SLC38A1: variants seen among roughly 807,000 people sequenced by gnomAD.
SLC38A1 encodes sodium-coupled neutral amino acid symporter 1.
In SLC38A1, 18 loss-of-function variants were observed where a neutral mutation model predicts 60.3. That is an observed-to-expected ratio of 0.30 (90% CI 0.21 to 0.44). SLC38A1 has a LOEUF of 0.44. Among genes scored for constraint, SLC38A1 ranks in the 20% least tolerant of loss-of-function variants. SLC38A1 has a pLI of 1.00. For synonymous variants in SLC38A1, 196 were observed against 212.1 expected, an observed-to-expected ratio of 0.92 and a Z score of 0.66; for missense variants, 448 against 587.2, an observed-to-expected ratio of 0.76 and a Z score of 2.45.
chr12:46,229,339 A>G (rs1427953302), intron 4 of SLC38A1, 71 bp from the exon 5 acceptor site: 1 of 1,064,738 alleles, frequency 9.4e-7, no homozygotes, highest in African/African-American at 1.6e-5. Context: ...CAAAGCCTTT[A>G]ATGCACTCTC....
intron 1 of SLC38A1, among the ~76,000 whole-genome samples, chr12:46,262,694 C>G (rs1942236081): frequency 6.6e-6 from 1 of 151,902 alleles, no homozygotes; most frequent in African/African-American, 2.4e-5. Flanking sequence ...ACAAAATACT[C>G]AAGGAAAAAC....
At chr12:46,241,737 C>T (rs558820335) in intron 2 of SLC38A1, among the ~76,000 whole-genome samples, 1 of 152,330 alleles carries the variant, frequency 6.6e-6, no homozygotes. Context: ...CACTCTTACC[C>T]CTTGGCCCTC....
At chr12:46,191,593 TC>T (rs1939147679) in intron 16 of SLC38A1, among the ~76,000 whole-genome samples, 1 of 152,208 alleles carries the variant, frequency 6.6e-6, no homozygotes, top group Admixed American at 6.5e-5. Flanking sequence ...TTTGTTTCTG[TC>T]CTCTTTTATT....
intron 16 of SLC38A1, among the ~76,000 whole-genome samples, chr12:46,193,726 C>A (rs1055182974): frequency 6.6e-6 from 1 of 151,464 alleles, no homozygotes; most frequent in African/African-American, 2.4e-5. Flanking sequence ...GGTTTAAAGT[C>A]TGGTTTATCA....
intron 16 of SLC38A1, among the ~76,000 whole-genome samples, chr12:46,190,996 A>C (rs1233243492): frequency 6.6e-6 from 1 of 152,148 alleles, no homozygotes; most frequent in Non-Finnish European, 1.5e-5. Context: ...TTTAATCATG[A>C]AGTCTTTGCC....
At chr12:46,246,128 T>C (rs1941606580) in intron 1 of SLC38A1, among the ~76,000 whole-genome samples, 1 of 152,064 alleles carries the variant, frequency 6.6e-6, no homozygotes, top group African/African-American at 2.4e-5. Context: ...CCAACTGAGG[T>C]ACCTGGTTCA....
Position 46,207,217 on chromosome 12 carries a change from G to A in SLC38A1, c.501C>T (p.Phe167=). Residue 167 remains phenylalanine, a synonymous_variant, in exon 8 of 17, where the codon TTC becomes TTT. Transcript: ENST00000398637. ...CAGAGGGTAGTTCATTTTTTACGAT[G>A]AAGAGGTAGCTCAGCATTGCTGAAG... The part of the protein sequence containing the change: ...QNTGAMLSYL[F]IVKNELPSAI... 6.2e-7 allele frequency: 1 copy of A among 1,613,030 alleles called. No homozygotes were observed. The highest frequency in any genetic ancestry group is 1.1e-5 in the South Asian group (1 of 90,874).
At chr12:46,210,095 G>A (rs1368845515) in intron 5 of SLC38A1, among the ~76,000 whole-genome samples, 2 of 152,150 alleles carry the variant, frequency 1.3e-5, no homozygotes, top group Non-Finnish European at 2.9e-5. Context: ...GGCACATCAT[G>A]CCGTTCGCTC....
intron 2 of SLC38A1, 120 bp from the exon 3 acceptor site, chr12:46,240,013 A>G (rs530952622): frequency 3.9e-6 from 2 of 511,096 alleles, no homozygotes; most frequent in Non-Finnish European, 7.0e-6. Context: ...TGTTGCTACT[A>G]GATGCATTAA....
chr12:46,233,448 C>A (rs1941149529), intron 3 of SLC38A1, among the ~76,000 whole-genome samples: 1 of 152,034 alleles, frequency 6.6e-6, no homozygotes, highest in South Asian at 2.1e-4. Context: ...AATAGAAAAG[C>A]AAATATTTTC....
intron 1 of SLC38A1, among the ~76,000 whole-genome samples, chr12:46,265,423 C>T (rs955496261): frequency 6.6e-6 from 1 of 152,218 alleles, no homozygotes; most frequent in Admixed American, 6.5e-5. Context: ...GGAAAAGTGG[C>T]ATCAGGGATA....
intron 3 of SLC38A1, among the ~76,000 whole-genome samples, chr12:46,238,591 C>T (rs1941337319): frequency 6.6e-6 from 1 of 152,298 alleles, no homozygotes; most frequent in Non-Finnish European, 1.5e-5. Flanking sequence ...GGCTGTGCCG[C>T]TAACTCCCAA....
intron 6 of SLC38A1, among the ~76,000 whole-genome samples, chr12:46,208,558 A>G (rs1940011083): frequency 6.6e-6 from 1 of 152,224 alleles, no homozygotes; most frequent in African/African-American, 2.4e-5. Flanking sequence ...GTGTCCCAGA[A>G]ATAGAAAATA....
At chr12:46,216,478 C>T (rs1028980779) in intron 5 of SLC38A1, among the ~76,000 whole-genome samples, 2 of 152,088 alleles carry the variant, frequency 1.3e-5, no homozygotes, top group African/African-American at 2.4e-5. Flanking sequence ...CTCAGTGAGG[C>T]TCGAGGACAG....
At chr12:46,264,295 T>C (rs1592164040) in intron 1 of SLC38A1, among the ~76,000 whole-genome samples, 1 of 152,216 alleles carries the variant, frequency 6.6e-6, no homozygotes, top group Admixed American at 6.5e-5. Flanking sequence ...GATACTATTA[T>C]TAGCATTGGA....
chr12:46,267,395 C>T (rs1359121792), intron 1 of SLC38A1: 1 of 152,362 alleles, frequency 6.6e-6, no homozygotes, highest in Non-Finnish European at 1.5e-5. Flanking sequence ...ATTGTAGCAC[C>T]ACCTTCCCCA....
intron 16 of SLC38A1, chr12:46,197,477 A>G (rs941315180): frequency 8.2e-6 from 3 of 363,678 alleles, no homozygotes; most frequent in Non-Finnish European, 1.5e-5. Flanking sequence ...ACTGCACTCC[A>G]GCCTGGGCGA....
chr12:46,253,437 C>A (rs1941924478), intron 1 of SLC38A1, among the ~76,000 whole-genome samples: 1 of 152,174 alleles, frequency 6.6e-6, no homozygotes, highest in Admixed American at 6.5e-5. Flanking sequence ...CATGCCTCCC[C>A]TTTTTAGACC....
At chr12:46,252,420 G>A (rs1299939320) in intron 1 of SLC38A1, among the ~76,000 whole-genome samples, 1 of 151,804 alleles carries the variant, frequency 6.6e-6, no homozygotes, top group Non-Finnish European at 1.5e-5. Context: ...AAACCAACAT[G>A]GCACATGTAT....
Sources: gnomAD v4.1 joint callset for allele counts (sites outside exome capture counted in the v4.1 genomes callset) on GRCh38, gnomAD v4.1.1 for gene constraint, MANE v1.5 for transcripts, NCBI Gene and HGNC (gene_info 2026-07-23, HGNC 2026-07-21) for gene names.